Variants in INTU observed in about 807,000 individuals in gnomAD.
INTU encodes the protein protein inturned.
INTU carries 68 observed loss-of-function variants against 100.5 expected under a neutral mutation model. The observed-to-expected ratio is 0.68, with a 90% CI of 0.56 to 0.83. The LOEUF (loss-of-function observed/expected upper bound fraction) is 0.83. Ranked by LOEUF, INTU falls within the 40% of genes least tolerant of loss-of-function variation. The probability of loss-of-function intolerance (pLI) is 0.00; values close to 1 mark genes in which losing one functional copy is unlikely to be tolerated. For synonymous variants in INTU, 357 were observed against 395.7 expected (o/e 0.90, Z 1.16); for missense variants, 1,071 against 1,114.7 (o/e 0.96, Z 0.56).
At position 127,658,022 on chromosome 4, in the gene INTU, C is replaced by A. The variant is rs147999398; in HGVS notation, c.768+1301C>A. 5.3e-5 allele frequency among the ~76,000 whole-genome samples: 8 copies of A among 152,094 alleles called. No homozygotes were observed. In the East Asian group the frequency reaches 1.6e-3, roughly 29 times the overall value. ...CCATCAGGCAGTGAGAGGATGAAGT[C>A]GTTTTTGGATTGGTCAGGTTGAAGA... is the stretch of plus-strand genomic sequence containing the variant. On this transcript the variant is annotated intron_variant, in intron 3 of 15. Coordinates refer to ENST00000335251, the MANE Select transcript of INTU (RefSeq NM_015693.4).
chr4:127,647,915 T>C (rs1442517120), intron 2 of INTU, among the ~76,000 whole-genome samples: 1 of 150,348 alleles, frequency 6.7e-6, no homozygotes, highest in Non-Finnish European at 1.5e-5. Context: ...TATATTTTCA[T>C]AGCCCTTGGT....
chr4:127,673,928 T>C (rs1279451352), intron 5 of INTU, among the ~76,000 whole-genome samples, 196 bp from the exon 6 acceptor site: 1 of 151,892 alleles, frequency 6.6e-6, no homozygotes, highest in Non-Finnish European at 1.5e-5. Flanking sequence ...TTTGTTTTTT[T>C]TTTTTAATAT....
At chr4:127,671,233 C>T (rs1560849641) in intron 5 of INTU, among the ~76,000 whole-genome samples, 1 of 151,894 alleles carries the variant, frequency 6.6e-6, no homozygotes, top group Non-Finnish European at 1.5e-5. Context: ...GACTAATATC[C>T]AGAATCTATA....
chr4:127,715,670 A>G (rs1159797723), intron 15 of INTU, among the ~76,000 whole-genome samples: 3 of 152,144 alleles, frequency 2.0e-5, no homozygotes, highest in African/African-American at 7.2e-5. Flanking sequence ...AAATGAGAAG[A>G]CCAGTTAGGC....
chr4:127,661,834 T>C lies in INTU; in HGVS notation c.769-1547T>C, dbSNP rs140124851. Among the ~76,000 whole-genome samples, 8 of 152,290 alleles carry C rather than the reference T, an allele frequency of 5.3e-5. No individual in the cohort carries two copies. In the East Asian group the frequency reaches 1.5e-3, roughly 29 times the overall value. ...AGGGGTTGCTGGATCTAATAATAGATCTGCTTTTAGTTCTTTTAGAAGTCT... is the reference window on the plus strand; with the variant it reads ...AGGGGTTGCTGGATCTAATAATAGACCTGCTTTTAGTTCTTTTAGAAGTCT... On this transcript the variant is annotated intron_variant, in intron 3 of 15. Coordinates refer to ENST00000335251, the MANE Select transcript of INTU (RefSeq NM_015693.4).
intron 13 of INTU, among the ~76,000 whole-genome samples, chr4:127,709,861 CTTG>C (rs1731030470): frequency 6.6e-6 from 1 of 152,090 alleles, no homozygotes; most frequent in South Asian, 2.1e-4. Flanking sequence ...AACAAAGTAA[CTTG>C]TCTGCATAAA....
intron 9 of INTU, among the ~76,000 whole-genome samples, chr4:127,701,628 A>T (rs1317654700): frequency 1.3e-5 from 2 of 152,182 alleles, no homozygotes; most frequent in Non-Finnish European, 2.9e-5. Flanking sequence ...TTTTGAAATA[A>T]TTCAGCAGGA....
chr4:127,663,606 A>G, intron 4 of INTU, 22 bp downstream of exon 4: 3 of 1,599,772 alleles, frequency 1.9e-6, no homozygotes, highest in South Asian at 1.1e-5. Context: ...CAAAAGTCCA[A>G]AGGAAATAAG....
At chr4:127,689,777 G>A (rs1040545157) in intron 8 of INTU, among the ~76,000 whole-genome samples, 8 of 152,028 alleles carry the variant, frequency 5.3e-5, no homozygotes, top group African/African-American at 1.9e-4. Flanking sequence ...GAAGGGAAGG[G>A]AAGGATATAA....
At chr4:127,698,842 C>T (rs1730513817) in intron 8 of INTU, among the ~76,000 whole-genome samples, 1 of 152,004 alleles carries the variant, frequency 6.6e-6, no homozygotes, top group Admixed American at 6.6e-5. Context: ...GATCAAATAC[C>T]ACAAATTGGT....
At chr4:127,662,795 G>A (rs780033813) in intron 3 of INTU, among the ~76,000 whole-genome samples, 1 of 152,132 alleles carries the variant, frequency 6.6e-6, no homozygotes, top group Non-Finnish European at 1.5e-5. Context: ...TGATAAAATT[G>A]ATAATCTTCT....
chr4:127,714,723 G>A (rs1731206123), intron 15 of INTU, among the ~76,000 whole-genome samples: 1 of 151,638 alleles, frequency 6.6e-6, no homozygotes, highest in African/African-American at 2.4e-5. Context: ...TTATTTTCTT[G>A]TCCTTCTCCA....
intron 8 of INTU, among the ~76,000 whole-genome samples, chr4:127,690,153 GTCTATTTGGGGCTTACAGAT>G (rs1403994864): frequency 1.3e-5 from 2 of 152,158 alleles, no homozygotes; most frequent in African/African-American, 4.8e-5. Context: ...CTAAAGTATT[GTCTATTTGGGGCTTACAGAT>G]TCCATGTGAA....
At position 127,700,081 on chromosome 4, in the gene INTU, T is replaced by G. The variant is rs754558585; in HGVS notation, c.1503+18T>G. The G allele has an allele frequency of 1.3e-6, 2 of 1,582,974 alleles. No homozygotes were observed. Among genetic ancestry groups the G allele is most frequent in the South Asian group, 2.3e-5 (2 of 87,670 alleles). ...CAGAACTGGTAAGGGAAGGAGTGGATTTTATAAAAGGCTCAATGTTGAATT... is the reference window on the plus strand; with the variant it reads ...CAGAACTGGTAAGGGAAGGAGTGGAGTTTATAAAAGGCTCAATGTTGAATT... On this transcript the variant is annotated intron_variant, in intron 9 of 15. Coordinates refer to ENST00000335251, the MANE Select transcript of INTU (RefSeq NM_015693.4).
At chr4:127,710,116 T>C (rs953337386) in intron 13 of INTU, among the ~76,000 whole-genome samples, 1 of 152,146 alleles carries the variant, frequency 6.6e-6, no homozygotes, top group African/African-American at 2.4e-5. Flanking sequence ...GCATTGTCTC[T>C]AGTAAAAGGA....
At chr4:127,634,382 T>C (rs1418222778) in intron 1 of INTU, among the ~76,000 whole-genome samples, 5 of 152,224 alleles carry the variant, frequency 3.3e-5, no homozygotes, top group Non-Finnish European at 5.9e-5. Context: ...TAGAGTCGCA[T>C]ACTTTTAGCC....
intron 1 of INTU, among the ~76,000 whole-genome samples, chr4:127,639,087 C>T (rs894333752): frequency 1.3e-5 from 2 of 152,136 alleles, no homozygotes; most frequent in African/African-American, 4.8e-5. Context: ...TAACATCTTA[C>T]ACAACTATTA....
chr4:127,642,491 A>G (rs1727377968), intron 1 of INTU, among the ~76,000 whole-genome samples: 2 of 152,222 alleles, frequency 1.3e-5, no homozygotes, highest in Non-Finnish European at 2.9e-5. Context: ...TTTTAAGTTA[A>G]GAGAACTGGA....
chr4:127,710,340 C>T (rs553181451), intron 13 of INTU, among the ~76,000 whole-genome samples: 1 of 151,820 alleles, frequency 6.6e-6, no homozygotes, highest in Admixed American at 6.6e-5. Flanking sequence ...TTGTAAAATA[C>T]AATATATATA....
Sources: allele counts gnomAD v4.1 joint callset (sites outside exome capture counted in the v4.1 genomes callset), GRCh38; gene constraint gnomAD v4.1.1; transcripts MANE v1.5; gene names NCBI Gene and HGNC (gene_info 2026-07-23, HGNC 2026-07-21).